The following HFM1 variants were observed in gnomAD, a reference collection of about 807,000 sequenced individuals.
HFM1 encodes probable ATP-dependent DNA helicase HFM1.
Under a neutral mutation model 192.1 loss-of-function variants are expected in HFM1, and 169 were observed. That is an observed-to-expected ratio of 0.88 (90% CI 0.78 to 1.00). The LOEUF (loss-of-function observed/expected upper bound fraction) is 1.00, where lower values mean the gene tolerates loss of function less well. HFM1 is among the 50% of genes least tolerant of loss of function. The probability of loss-of-function intolerance (pLI) is 0.00; values close to 1 mark genes in which losing one functional copy is unlikely to be tolerated. For synonymous variants in HFM1, 525 were observed against 537.8 expected (o/e 0.98, Z 0.33); for missense variants, 1,661 against 1,668.0 (o/e 1.00, Z 0.07).
chr1:91,404,544 G>C (rs931374935), intron 1 of HFM1: 2 of 231,212 alleles, frequency 8.7e-6, no homozygotes, highest in Non-Finnish European at 1.7e-5. Context: ...GCGGGGAGCT[G>C]GGCCCGCCCT....
At chr1:91,300,328 G>A (rs1434432779) in intron 30 of HFM1, among the ~76,000 whole-genome samples, 6 of 152,192 alleles carry the variant, frequency 3.9e-5, no homozygotes, top group Non-Finnish European at 8.8e-5. Context: ...GGACCAGATG[G>A]ATTCACAACT....
Position 91,261,373 on chromosome 1 carries a change from G to A in HFM1, c.4239-14C>T. 2 of 1,285,702 alleles carry A rather than the reference G, an allele frequency of 1.6e-6. No homozygotes were observed. Among genetic ancestry groups the A allele is most frequent in the South Asian group, 2.0e-5 (1 of 48,998 alleles). The allele number at this position is 1,285,702 out of a possible 1,614,324, so 79.6% of individuals were successfully genotyped here. ...GGATGATACATACTGGGAGAAAGAA[G>A]AAAAAGTAAAAATAACTATTTTTTA... On this transcript the variant is annotated splice_polypyrimidine_tract_variant and intron_variant, in intron 38 of 38. Coordinates refer to ENST00000370425, the MANE Select transcript of HFM1 (RefSeq NM_001017975.6).
intron 36 of HFM1, among the ~76,000 whole-genome samples, chr1:91,263,081 G>C (rs962497351): frequency 6.6e-6 from 1 of 152,040 alleles, no homozygotes; most frequent in Admixed American, 6.5e-5. Flanking sequence ...TATTGTACTA[G>C]AAGCTGTGTA....
Position 91,401,099 on chromosome 1 carries a change from T to C in HFM1, c.-17A>G. ...TTTCAGCATTGTTGAAAACTGGACT[T>C]TGTCATAAATCTACAAAATATGGAA... On this transcript the variant is annotated 5_prime_UTR_variant, in exon 2 of 39. Transcript: ENST00000370425. 1 of 1,431,108 alleles carries C rather than the reference T, an allele frequency of 7.0e-7. No individual in the cohort carries two copies. The highest frequency in any genetic ancestry group is 9.5e-7 in the Non-Finnish European group (1 of 1,047,854). 88.7% of individuals were successfully genotyped at this position (1,431,108 alleles called of 1,614,324 possible).
chr1:91,351,636 G>A lies in HFM1; in HGVS notation c.1985C>T (p.Thr662Ile). 6.3e-7 allele frequency: 1 copy of A among 1,580,438 alleles called. No individual in the cohort carries two copies. The highest frequency in any genetic ancestry group is 8.6e-7 in the Non-Finnish European group (1 of 1,156,570). ...IGRAGRPQFD[T>I]TATAVIMTRL... ...AGTCATGATAACTGCAGTAGCTGTA[G>A]TGTCAAACTGGGGAGAAAACAAACA... The change falls in exon 17 of 39, where the codon ACT becomes ATT. Residue 662 changes from threonine to isoleucine, a missense_variant. Thr to Ile is a moderately conservative substitution (Grantham distance 89, BLOSUM62 -1). Coordinates refer to ENST00000370425, the MANE Select transcript of HFM1 (RefSeq NM_001017975.6).
At chr1:91,268,565 A>G (rs1478120047) in intron 34 of HFM1, among the ~76,000 whole-genome samples, 1 of 152,006 alleles carries the variant, frequency 6.6e-6, no homozygotes, top group East Asian at 1.9e-4. Flanking sequence ...CTTTAGTTGT[A>G]CAGTTTTACA....
intron 13 of HFM1, among the ~76,000 whole-genome samples, chr1:91,358,238 C>A (rs918936256): frequency 6.6e-6 from 1 of 151,804 alleles, no homozygotes; most frequent in Non-Finnish European, 1.5e-5. Context: ...GAGCCGAGAT[C>A]GCGCCACTGC....
chr1:91,280,201 C>T (rs757483530), intron 30 of HFM1, among the ~76,000 whole-genome samples: 2 of 151,962 alleles, frequency 1.3e-5, no homozygotes, highest in Non-Finnish European at 2.9e-5. Context: ...TGGTCAGGAA[C>T]GTTGGGCTGA....
intron 3 of HFM1, among the ~76,000 whole-genome samples, chr1:91,395,694 A>G (rs527518041): frequency 2.7e-3 from 408 of 152,276 alleles, no homozygotes; most frequent in Non-Finnish European, 4.4e-3. Context: ...AATTGTTTAC[A>G]TAACGAGTAT....
Position 91,316,179 on chromosome 1 carries a change from T to C in HFM1, c.2904A>G (p.Leu968=), listed in dbSNP as rs1651189792. The C allele has an allele frequency of 6.5e-7, 1 of 1,540,140 alleles. No individual in the cohort carries two copies. The highest frequency in any genetic ancestry group is 8.9e-7 in the Non-Finnish European group (1 of 1,129,058). ...ETDARELELI[L]NRHPPFGTQI... ...GGGTTCCAAAGGGGGGATGTCTGTT[T>C]AAAATCTAAAAATATTTACATCATT... The change falls in exon 27 of 39, where the codon TTA becomes TTG. Residue 968 remains leucine, a synonymous_variant. Transcript: ENST00000370425.
chr1:91,368,913 G>A (rs1659770157), intron 13 of HFM1, among the ~76,000 whole-genome samples: 1 of 152,062 alleles, frequency 6.6e-6, no homozygotes, highest in African/African-American at 2.4e-5. Flanking sequence ...GATCTACCAA[G>A]CAAATGGAAA....
In HFM1 at chr1:91,385,609, A is replaced by G. The variant is rs1389453252; in HGVS notation, c.720T>C (p.Ser240=). The G allele has an allele frequency of 6.2e-7, 1 of 1,613,016 alleles. No individual in the cohort carries two copies. Among genetic ancestry groups the G allele is most frequent in the East Asian group, 2.2e-5 (1 of 44,830 alleles). The change falls in exon 5 of 39, where the codon TCT becomes TCC. Residue 240 remains serine, a synonymous_variant. Coordinates refer to ENST00000370425, the MANE Select transcript of HFM1 (RefSeq NM_001017975.6). ...CATGAGGTTGGAAAGCAACTGAAAA[A>G]GATGGTGCTTTGAACATGCCTTCTC... ...EIGEGMFKAP[S]FSVAFQPHDI...
chr1:91,337,033 G>C (rs1186478635), intron 20 of HFM1, among the ~76,000 whole-genome samples: 1 of 152,162 alleles, frequency 6.6e-6, no homozygotes, highest in Non-Finnish European at 1.5e-5. Context: ...TGAACAATGA[G>C]AACACGTGGA....
At chr1:91,338,165 C>A in intron 20 of HFM1, among the ~76,000 whole-genome samples, 1 of 152,166 alleles carries the variant, frequency 6.6e-6, no homozygotes, top group East Asian at 1.9e-4. Flanking sequence ...TCATGACCCC[C>A]ACAGACATTT....
At chr1:91,365,111 T>C (rs1331212385) in intron 13 of HFM1, among the ~76,000 whole-genome samples, 2 of 152,076 alleles carry the variant, frequency 1.3e-5, no homozygotes, top group South Asian at 2.1e-4. Context: ...AAAAATATTG[T>C]ATGTTCTCAC....
chr1:91,280,868 T>C (rs1261481704), intron 30 of HFM1, among the ~76,000 whole-genome samples: 1 of 152,148 alleles, frequency 6.6e-6, no homozygotes, highest in Non-Finnish European at 1.5e-5. Context: ...TTTAAATCCA[T>C]TAGGGTGTCC....
intron 20 of HFM1, among the ~76,000 whole-genome samples, chr1:91,340,913 C>T (rs1655241529): frequency 1.3e-5 from 2 of 152,184 alleles, no homozygotes; most frequent in Admixed American, 1.3e-4. Context: ...AATATATATG[C>T]ATCTAATACT....
chr1:91,404,427 C>A (rs544577308), intron 1 of HFM1, among the ~76,000 whole-genome samples: 3 of 152,210 alleles, frequency 2.0e-5, no homozygotes, highest in African/African-American at 4.8e-5. Context: ...GTACGTCCCC[C>A]CCAGCGCTCG....
chr1:91,322,379 T>G (rs528741294), intron 23 of HFM1, among the ~76,000 whole-genome samples: 183 of 152,292 alleles, frequency 1.2e-3, no homozygotes, highest in Non-Finnish European at 2.1e-3. Context: ...CACTAAGACC[T>G]ACATACTCAG....
Sources: allele counts gnomAD v4.1 joint callset (sites outside exome capture counted in the v4.1 genomes callset), GRCh38; gene constraint gnomAD v4.1.1; transcripts MANE v1.5; gene names NCBI Gene and HGNC (gene_info 2026-07-23, HGNC 2026-07-21).